KLHL1: variants seen among roughly 807,000 people sequenced by gnomAD.
KLHL1 encodes the protein kelch like family member 1.
In KLHL1, 47 loss-of-function variants were observed where a neutral mutation model predicts 77.7. The ratio of observed to expected loss-of-function variants is 0.60; its 90% confidence interval spans 0.48 to 0.77. The LOEUF (loss-of-function observed/expected upper bound fraction) is 0.77, where lower values mean the gene tolerates loss of function less well. Among genes scored for constraint, KLHL1 ranks in the 30% least tolerant of loss-of-function variants. The pLI is 0.00. For missense variants in KLHL1, 925 were observed against 910.8 expected (o/e 1.02, Z -0.20); for synonymous variants, 360 against 325.2 (o/e 1.11, Z -1.15).
rs1277006779 is a variant in KLHL1 at position 69,789,536 on chromosome 13, TA to T, written c.1639+7201del. Among the ~76,000 whole-genome samples, 15 of 152,286 alleles carry T rather than the reference TA, an allele frequency of 9.8e-5. 1 individual carries two copies. Among genetic ancestry groups the T allele is most frequent in the African/African-American group, 3.6e-4 (15 of 41,546 alleles). On this transcript the variant is annotated intron_variant, in intron 7 of 10. Transcript: ENST00000377844. Reference sequence around the variant, plus strand: ...TACAATTAAAATGACATAAACAGTATAAATGACATAAACAGTATTTGTGTTA... The same window carrying T: ...TACAATTAAAATGACATAAACAGTATAATGACATAAACAGTATTTGTGTTA...
intron 1 of KLHL1, among the ~76,000 whole-genome samples, chr13:70,041,116 T>C (rs1417234668): frequency 1.3e-5 from 2 of 152,186 alleles, no homozygotes; most frequent in Non-Finnish European, 2.9e-5. Flanking sequence ...TTCTATACCT[T>C]TGCTCATTTT....
chr13:69,932,359 C>T (rs60127818), intron 4 of KLHL1, among the ~76,000 whole-genome samples: 2,489 of 151,456 alleles, frequency 0.016, 64 homozygotes, highest in African/African-American at 0.055. Context: ...GAAGACTGTG[C>T]TTTATAAGTT....
intron 4 of KLHL1, among the ~76,000 whole-genome samples, chr13:69,891,139 T>C (rs1881413420): frequency 6.6e-6 from 1 of 152,076 alleles, no homozygotes; most frequent in African/African-American, 2.4e-5. Context: ...CATGTTTTGT[T>C]ATCATACGCA....
intron 1 of KLHL1, among the ~76,000 whole-genome samples, chr13:70,044,527 T>G (rs1263916650): frequency 6.6e-6 from 1 of 152,164 alleles, no homozygotes; most frequent in Non-Finnish European, 1.5e-5. Context: ...TGTTTTTTTT[T>G]GTATCAGTTT....
chr13:69,775,683 A>T (rs1223687499), intron 7 of KLHL1, among the ~76,000 whole-genome samples: 1 of 150,892 alleles, frequency 6.6e-6, no homozygotes, highest in Non-Finnish European at 1.5e-5. Flanking sequence ...TTTTTCCTGA[A>T]TGCCTAAGGG....
At chr13:69,895,713 C>CTT (rs11459436) in intron 4 of KLHL1, among the ~76,000 whole-genome samples, 20,899 of 140,668 alleles carry the variant, frequency 0.15, 2,012 homozygotes, top group Middle Eastern at 0.22. Flanking sequence ...TTCTTTTTTC[C>CTT]TTTTTTTTTT....
intron 1 of KLHL1, among the ~76,000 whole-genome samples, chr13:70,081,559 C>T (rs990938722): frequency 6.6e-6 from 1 of 152,204 alleles, no homozygotes; most frequent in South Asian, 2.1e-4. Context: ...CAGATCCATG[C>T]CATGGAGATC....
intron 1 of KLHL1, among the ~76,000 whole-genome samples, chr13:70,023,211 TA>T (rs1168235111): frequency 6.6e-6 from 1 of 151,926 alleles, no homozygotes; most frequent in Non-Finnish European, 1.5e-5. Context: ...CAAAAAGTTA[TA>T]AAAATACTAT....
At chr13:69,716,012 G>A (rs919755286) in intron 9 of KLHL1, among the ~76,000 whole-genome samples, 5 of 152,020 alleles carry the variant, frequency 3.3e-5, no homozygotes, top group African/African-American at 1.2e-4. Context: ...GCCAAGATGA[G>A]GCAAATGCAA....
At chr13:69,803,749 T>C (rs1246537561) in intron 6 of KLHL1, among the ~76,000 whole-genome samples, 3 of 152,186 alleles carry the variant, frequency 2.0e-5, no homozygotes, top group African/African-American at 7.2e-5. Context: ...TGTTCCTGGC[T>C]TGAAGATGGG....
chr13:70,037,349 C>CATATAATT (rs1886265056), intron 1 of KLHL1, among the ~76,000 whole-genome samples: 1 of 152,010 alleles, frequency 6.6e-6, no homozygotes, highest in African/African-American at 2.4e-5. Flanking sequence ...GCACGTTGAA[C>CATATAATT]ATATAATTTC....
chr13:69,904,672 A>G (rs939650211), intron 4 of KLHL1, among the ~76,000 whole-genome samples: 1 of 152,182 alleles, frequency 6.6e-6, no homozygotes, highest in African/African-American at 2.4e-5. Context: ...AACACAGACA[A>G]TTTAAGTAAA....
chr13:70,009,584 G>A lies in KLHL1; in HGVS notation c.498-33782C>T, dbSNP rs150624720. 2.1e-4 allele frequency among the ~76,000 whole-genome samples: 32 copies of A among 152,244 alleles called. No individual in the cohort carries two copies. In the East Asian group the frequency reaches 4.8e-3, roughly 23 times the overall value. ...CGACTATAGGCTTCTTTGTTATTGG[G>A]TAGTGAGAGTTGGAAAAGAAGTATG... On this transcript the variant is annotated intron_variant, in intron 1 of 10. Transcript: ENST00000377844.
intron 1 of KLHL1, among the ~76,000 whole-genome samples, chr13:70,002,197 T>A (rs2501241): frequency 0.018 from 2,724 of 151,620 alleles, 85 homozygotes; most frequent in African/African-American, 0.063. Context: ...AAATTACCAT[T>A]CATGCAAAGA....
chr13:69,887,027 T>G (rs543827541), intron 4 of KLHL1, among the ~76,000 whole-genome samples: 1 of 152,242 alleles, frequency 6.6e-6, no homozygotes, highest in African/African-American at 2.4e-5. Flanking sequence ...AAAATGGGGA[T>G]CCTGGAATTT....
intron 1 of KLHL1, among the ~76,000 whole-genome samples, chr13:70,086,317 T>A (rs1350995447): frequency 6.7e-6 from 1 of 150,000 alleles, no homozygotes; most frequent in Non-Finnish European, 1.5e-5. Flanking sequence ...GCATGGAGGC[T>A]CATGCCTGTA....
chr13:69,707,729 C>A lies in KLHL1; in HGVS notation c.2083G>T (p.Val695Phe), dbSNP rs373985895. 10 of 1,612,690 alleles carry A rather than the reference C, an allele frequency of 6.2e-6. No individual in the cohort carries two copies. Among genetic ancestry groups the A allele is most frequent in the African/African-American group, 1.3e-5 (1 of 74,826 alleles). The change falls in exon 10 of 11, where the codon GTC becomes TTC. Residue 695 changes from valine to phenylalanine, a missense_variant. Physicochemically the swap from Val to Phe is conservative, Grantham distance 50. Transcript: ENST00000377844. ...TATAATCTGTCACCAAGGAGACAGA[C>A]CCCAACAGCATCTCTGGGCATACTC... ...PLSMPRDAVG[V>F]CLLGDRLYAV...
chr13:70,033,737 A>G (rs1468337641), intron 1 of KLHL1, among the ~76,000 whole-genome samples: 3 of 146,352 alleles, frequency 2.0e-5, no homozygotes, highest in Non-Finnish European at 4.5e-5. Context: ...CTCATGTCTC[A>G]GCCTCTAGAG....
chr13:69,969,581 G>A (rs538710840), intron 2 of KLHL1, among the ~76,000 whole-genome samples: 3 of 151,820 alleles, frequency 2.0e-5, no homozygotes, highest in African/African-American at 4.8e-5. Flanking sequence ...GTATATAGTT[G>A]CAGCAAGGCC....
Sources: allele counts gnomAD v4.1 joint callset (sites outside exome capture counted in the v4.1 genomes callset), GRCh38; gene constraint gnomAD v4.1.1; transcripts MANE v1.5; gene names NCBI Gene and HGNC (gene_info 2026-07-23, HGNC 2026-07-21).